LAMA2: variants seen among roughly 807,000 people sequenced by gnomAD.
LAMA2 encodes the protein laminin subunit alpha 2.
In LAMA2, 269 loss-of-function variants were observed where a neutral mutation model predicts 364.8. That is an observed-to-expected ratio of 0.74 (90% confidence interval 0.67 to 0.82). The LOEUF is 0.82. Among genes scored for constraint, LAMA2 ranks in the 40% least tolerant of loss-of-function variants. The pLI, the probability that LAMA2 is intolerant of heterozygous loss-of-function variation, is 0.00. For missense variants in LAMA2, 3,807 were observed against 3,873.2 expected (o/e 0.98, Z 0.45); for synonymous variants, 1,379 against 1,370.6 (o/e 1.01, Z -0.14).
chr6:129,115,020 T>A (rs186149376), intron 4 of LAMA2, among the ~76,000 whole-genome samples: 1 of 152,192 alleles, frequency 6.6e-6, no homozygotes, highest in Admixed American at 6.6e-5. Context: ...AAAATCCACA[T>A]AAGAATATTA....
At chr6:129,181,685 A>G (rs7741523) in intron 10 of LAMA2, among the ~76,000 whole-genome samples, 33,535 of 151,692 alleles carry the variant, frequency 0.22, 4,260 homozygotes, top group African/African-American at 0.35. Flanking sequence ...GTAAATAAAT[A>G]TGATGCTAAC....
chr6:129,226,201 A>T (rs1202944931), intron 12 of LAMA2, among the ~76,000 whole-genome samples: 1 of 152,056 alleles, frequency 6.6e-6, no homozygotes, highest in Non-Finnish European at 1.5e-5. Context: ...ATCTTCCTCC[A>T]TCCCTTTATT....
intron 4 of LAMA2, among the ~76,000 whole-genome samples, chr6:129,114,115 G>C (rs899844896): frequency 7.2e-5 from 11 of 151,778 alleles, no homozygotes; most frequent in Non-Finnish European, 1.3e-4. Flanking sequence ...TTTAGACTTT[G>C]GACTCCAAAA....
chr6:128,929,261 G>A (rs1451172150), intron 1 of LAMA2: 22 of 1,398,710 alleles, frequency 1.6e-5, no homozygotes, highest in Middle Eastern at 2.0e-4. Flanking sequence ...ACCGTCAATG[G>A]CTAAGTTCCC....
chr6:129,320,132 CAAATAAATAAAT>C (rs55860505), intron 27 of LAMA2, among the ~76,000 whole-genome samples: 10 of 147,264 alleles, frequency 6.8e-5, no homozygotes, highest in African/African-American at 2.2e-4. Flanking sequence ...GACTCTGTCT[CAAATAAATAAAT>C]AAATAAATAA....
chr6:129,473,387 T>C (rs1354270656), intron 52 of LAMA2, 35 bp downstream of exon 52: 4 of 1,594,152 alleles, frequency 2.5e-6, no homozygotes, highest in Admixed American at 1.7e-5. Flanking sequence ...AAGGATTAAG[T>C]TTTAATTAAA....
chr6:129,270,340 G>A (rs1437804664), intron 16 of LAMA2, among the ~76,000 whole-genome samples: 2 of 147,730 alleles, frequency 1.4e-5, no homozygotes, highest in African/African-American at 2.5e-5. Flanking sequence ...TTTTCTTAAG[G>A]AAAATAAAGA....
intron 18 of LAMA2, among the ~76,000 whole-genome samples, chr6:129,281,213 G>A (rs1788695017): frequency 6.6e-6 from 1 of 152,110 alleles, no homozygotes; most frequent in African/African-American, 2.4e-5. Flanking sequence ...CTTTAATTGT[G>A]TGTGTGTGTC....
intron 1 of LAMA2, among the ~76,000 whole-genome samples, chr6:128,902,161 T>C (rs1777128144): frequency 6.6e-6 from 1 of 152,192 alleles, no homozygotes; most frequent in South Asian, 2.1e-4. Context: ...ACTCTCATGA[T>C]CTAATCACCT....
In LAMA2 at chr6:128,946,903, G is replaced by T. The variant is rs1376870038; in HGVS notation, c.112+63546G>T. Among the ~76,000 whole-genome samples the T allele has an allele frequency of 2.6e-5, 4 of 152,164 alleles. No homozygotes were observed. The South Asian group carries it at 6.2e-4, about 24-fold the overall frequency. Reference sequence around the variant, plus strand: ...TATCACAATTAATCTATTTAAGAAGGTTGAGAGATATACTGTTAAACCAAA... The same window carrying T: ...TATCACAATTAATCTATTTAAGAAGTTTGAGAGATATACTGTTAAACCAAA... On this transcript the variant is annotated intron_variant, in intron 1 of 64. Coordinates refer to ENST00000421865, the MANE Select transcript of LAMA2 (RefSeq NM_000426.4).
intron 28 of LAMA2, among the ~76,000 whole-genome samples, chr6:129,325,114 T>C (rs550855023): frequency 1.4e-4 from 21 of 152,332 alleles, no homozygotes; most frequent in Non-Finnish European, 2.9e-4. Context: ...CTCTACAGTC[T>C]GCTTCATTCT....
intron 60 of LAMA2, among the ~76,000 whole-genome samples, chr6:129,503,645 T>A (rs1041444736): frequency 1.3e-5 from 2 of 152,208 alleles, no homozygotes; most frequent in Admixed American, 6.5e-5. Flanking sequence ...GGAATAATAT[T>A]TATTCTGAGA....
chr6:129,077,552 C>T (rs1346411781), intron 3 of LAMA2, among the ~76,000 whole-genome samples: 1 of 152,084 alleles, frequency 6.6e-6, no homozygotes, highest in African/African-American at 2.4e-5. Context: ...CCTGCTACCA[C>T]TGTATATATG....
chr6:129,265,397 T>G (rs1248350812), intron 15 of LAMA2, among the ~76,000 whole-genome samples: 1 of 152,162 alleles, frequency 6.6e-6, no homozygotes, highest in Non-Finnish European at 1.5e-5. Flanking sequence ...ACAAAAAAAC[T>G]TATTAAGGAA....
Position 129,048,438 on chromosome 6 carries a change from T to TC in LAMA2, c.113-1479dup, listed in dbSNP as rs1369825922. Among the ~76,000 whole-genome samples the TC allele has an allele frequency of 5.3e-5, 8 of 150,342 alleles. No individual in the cohort carries two copies. In the East Asian group the frequency reaches 1.6e-3, roughly 29 times the overall value. On this transcript the variant is annotated intron_variant, in intron 1 of 64. Coordinates refer to ENST00000421865, the MANE Select transcript of LAMA2 (RefSeq NM_000426.4). ...GATTTAGTCAGGAAGGTTTCTTTTTTCTTTTCTTTCTTTCTTTCTTTCTTT... is the reference window on the plus strand; with the variant it reads ...GATTTAGTCAGGAAGGTTTCTTTTTTCCTTTTCTTTCTTTCTTTCTTTCTTT...
chr6:129,274,426 A>T (rs536144222), intron 17 of LAMA2, among the ~76,000 whole-genome samples: 1 of 152,076 alleles, frequency 6.6e-6, no homozygotes, highest in East Asian at 1.9e-4. Context: ...GAGAAAAAAA[A>T]AAAGGGAGCT....
chr6:128,971,301 A>G (rs1219366785), intron 1 of LAMA2, among the ~76,000 whole-genome samples: 1 of 152,232 alleles, frequency 6.6e-6, no homozygotes, highest in Non-Finnish European at 1.5e-5. Flanking sequence ...GTGTTGTCAT[A>G]GGTATAAATC....
chr6:129,234,780 T>C (rs116248437), intron 12 of LAMA2, among the ~76,000 whole-genome samples: 6 of 152,136 alleles, frequency 3.9e-5, no homozygotes, highest in African/African-American at 1.4e-4. Context: ...AAGTATTCAA[T>C]AGATAAACCA....
chr6:129,348,964 A>T (rs1164906595), intron 30 of LAMA2, among the ~76,000 whole-genome samples: 1 of 151,982 alleles, frequency 6.6e-6, no homozygotes, highest in South Asian at 2.1e-4. Flanking sequence ...TTCTAGTCAG[A>T]TTTTTCTTTT....
Sources: allele counts gnomAD v4.1 joint callset (sites outside exome capture counted in the v4.1 genomes callset), GRCh38; gene constraint gnomAD v4.1.1; transcripts MANE v1.5; gene names NCBI Gene and HGNC (gene_info 2026-07-23, HGNC 2026-07-21).